Variants in ARK2C observed in about 807,000 individuals in gnomAD.
The protein encoded by ARK2C is arkadia (RNF111) C-terminal like ring finger ubiquitin ligase 2C.
the ARK2C span, chr18:46,334,608 C>G: frequency 2.7e-4 from 131 of 485,916 alleles, no homozygotes; most frequent in East Asian, 4.6e-3. The surrounding 1 kb of genome is among the most constrained non-coding windows in gnomAD (Gnocchi z 4.4). Flanking sequence ...GTGGTTCCCC[C>G]AAATCACAGC....
At chr18:46,419,036 G>C in the ARK2C span, among the ~76,000 whole-genome samples, 1 of 152,186 alleles carries the variant, frequency 6.6e-6, no homozygotes. Flanking sequence ...AGAATTTTTG[G>C]CTCTAGTGGG....
the ARK2C span, among the ~76,000 whole-genome samples, chr18:46,373,290 C>T: frequency 2.6e-5 from 4 of 152,378 alleles, no homozygotes; most frequent in African/African-American, 9.6e-5. Context: ...TAACACTGCA[C>T]ATTTCCTCAG....
the ARK2C span, among the ~76,000 whole-genome samples, chr18:46,440,891 G>A: frequency 6.6e-6 from 1 of 151,786 alleles, no homozygotes; most frequent in Admixed American, 6.6e-5. Context: ...GCCTTTGTCT[G>A]ATTTTTATAT....
At chr18:46,447,262 T>C in the ARK2C span, among the ~76,000 whole-genome samples, 1,583 of 152,280 alleles carry the variant, frequency 0.01, 25 homozygotes, top group African/African-American at 0.036. Flanking sequence ...TAGATTCTTC[T>C]TTCAGCATTT....
At chr18:46,437,508 C>A in the ARK2C span, among the ~76,000 whole-genome samples, 12 of 152,140 alleles carry the variant, frequency 7.9e-5, no homozygotes, top group Admixed American at 2.6e-4. Flanking sequence ...CAGACTTCTG[C>A]CCTAGGTCAT....
At chr18:46,448,142 A>G in the ARK2C span, among the ~76,000 whole-genome samples, 1 of 128,918 alleles carries the variant, frequency 7.8e-6, no homozygotes, top group African/African-American at 3.0e-5. Context: ...TTTCTTGTGT[A>G]TCAACCCCCA....
the ARK2C span, among the ~76,000 whole-genome samples, chr18:46,340,790 C>T: frequency 6.6e-6 from 1 of 152,228 alleles, no homozygotes; most frequent in Non-Finnish European, 1.5e-5. Context: ...ATGTGCTAGA[C>T]AGTTGCCCCT....
At chr18:46,399,660 C>T in the ARK2C span, among the ~76,000 whole-genome samples, 6 of 152,142 alleles carry the variant, frequency 3.9e-5, no homozygotes, top group Admixed American at 6.5e-5. Context: ...GGGCCACCAG[C>T]GCTCTAGGAG....
the ARK2C span, among the ~76,000 whole-genome samples, chr18:46,372,507 G>T: frequency 4.6e-3 from 699 of 152,328 alleles, 8 homozygotes; most frequent in African/African-American, 0.015. Context: ...GGCCACCTTA[G>T]TAAGCCCCCT....
chr18:46,347,184 C>T, the ARK2C span, among the ~76,000 whole-genome samples: 7 of 152,222 alleles, frequency 4.6e-5, no homozygotes, highest in Non-Finnish European at 2.9e-5. Context: ...CGGGTCAGCC[C>T]TGCTCCCTGC....
the ARK2C span, among the ~76,000 whole-genome samples, chr18:46,401,881 A>G: frequency 6.6e-6 from 1 of 152,320 alleles, no homozygotes; most frequent in South Asian, 2.1e-4. Flanking sequence ...ACTGGGAGGG[A>G]CCATCAGCTT....
At chr18:46,366,292 CAAAAAAAA>C in the ARK2C span, among the ~76,000 whole-genome samples, 3,311 of 54,434 alleles carry the variant, frequency 0.061, 62 homozygotes, top group South Asian at 0.093. Context: ...AACTCTGGCT[CAAAAAAAA>C]AAAAAAAAAA....
the ARK2C span, among the ~76,000 whole-genome samples, chr18:46,427,303 C>T: frequency 2.0e-5 from 3 of 152,226 alleles, no homozygotes; most frequent in Non-Finnish European, 4.4e-5. Flanking sequence ...CTTTCACTTC[C>T]CAGTGCGTCT....
chr18:46,371,460 A>G, the ARK2C span, among the ~76,000 whole-genome samples: 1 of 152,210 alleles, frequency 6.6e-6, no homozygotes, highest in Non-Finnish European at 1.5e-5. Flanking sequence ...GTCATCTCAG[A>G]GAGACTCAGT....
At chr18:46,447,844 G>C in the ARK2C span, 3 of 882,114 alleles carry the variant, frequency 3.4e-6, no homozygotes, top group Non-Finnish European at 5.5e-6. Context: ...CAGCTCACCT[G>C]TGTATCAATC....
the ARK2C span, chr18:46,435,450 G>T: frequency 8.9e-6 from 12 of 1,348,732 alleles, no homozygotes; most frequent in Non-Finnish European, 1.3e-5. Context: ...GAGGAGGGAG[G>T]TCTTGCCAGA....
the ARK2C span, among the ~76,000 whole-genome samples, chr18:46,354,578 C>T: frequency 2.9e-3 from 446 of 152,330 alleles, 2 homozygotes; most frequent in African/African-American, 7.6e-3. Context: ...GGTCTCTGCC[C>T]GATCCTCTCT....
At chr18:46,396,236 A>C in the ARK2C span, among the ~76,000 whole-genome samples, 1 of 152,226 alleles carries the variant, frequency 6.6e-6, no homozygotes, top group African/African-American at 2.4e-5. Context: ...CTTGACTGAG[A>C]GAGCTGCAGA....
the ARK2C span, among the ~76,000 whole-genome samples, chr18:46,422,894 G>A: frequency 6.6e-5 from 10 of 152,130 alleles, no homozygotes; most frequent in African/African-American, 1.9e-4. Flanking sequence ...ACTCAAATCC[G>A]CCTACTGGAA....
Sources: allele counts gnomAD v4.1 joint callset (sites outside exome capture counted in the v4.1 genomes callset), GRCh38; gene constraint gnomAD v4.1.1; non-coding constraint Gnocchi (gnomAD v3.1); transcripts MANE v1.5; gene names NCBI Gene and HGNC (gene_info 2026-07-23, HGNC 2026-07-21).